Variants in TRA2A observed in about 807,000 individuals in gnomAD.
TRA2A encodes transformer 2 alpha homolog.
TRA2A carries 31 observed loss-of-function variants against 45.7 expected under a neutral mutation model. The observed-to-expected ratio is 0.68, with a 90% CI of 0.51 to 0.92. The LOEUF (loss-of-function observed/expected upper bound fraction) is 0.92. TRA2A is among the 40% of genes least tolerant of loss of function. TRA2A has a pLI of 0.00. For synonymous variants in TRA2A, 132 were observed against 126.2 expected (o/e 1.05, Z -0.31); for missense variants, 304 against 367.5 (o/e 0.83, Z 1.41).
At chr7:23,508,942 GTCTCTTTGA>G (rs1438113999) in intron 4 of TRA2A, among the ~76,000 whole-genome samples, 10 of 152,010 alleles carry the variant, frequency 6.6e-5, no homozygotes, top group Non-Finnish European at 1.0e-4. Flanking sequence ...TGTCTCTTTG[GTCTCTTTGA>G]AAAGAACTCT....
chr7:23,522,042 C>G (rs1479640168), intron 1 of TRA2A: 4 of 1,395,128 alleles, frequency 2.9e-6, no homozygotes, highest in Non-Finnish European at 3.7e-6. Flanking sequence ...TGAACCAGAT[C>G]ACCAATTCTC....
At chr7:23,528,763 G>A (rs1231669768) in intron 1 of TRA2A, among the ~76,000 whole-genome samples, 3 of 151,762 alleles carry the variant, frequency 2.0e-5, no homozygotes, top group African/African-American at 7.3e-5. Flanking sequence ...TGCCTCCCGG[G>A]TTTAAGCAAT....
chr7:23,521,846 AAAG>A lies in TRA2A; in HGVS notation c.37-9_37-7del. The A allele has an allele frequency of 6.2e-7, 1 of 1,614,172 alleles. No homozygotes were observed. The highest frequency in any genetic ancestry group is 8.5e-7 in the Non-Finnish European group (1 of 1,180,032). ...TTTGACTGAGAGCGAGACTCCTAAC[AAAG>A]AAGACAGTATTACAAATGGCACTGG... On this transcript the variant is annotated splice_polypyrimidine_tract_variant and splice_region_variant and intron_variant, in intron 1 of 7. Transcript: ENST00000297071.
chr7:23,510,658 G>A (rs1477750281), intron 4 of TRA2A, among the ~76,000 whole-genome samples: 1 of 152,090 alleles, frequency 6.6e-6, no homozygotes, highest in East Asian at 1.9e-4. Flanking sequence ...AGAAGTGGAA[G>A]GGGACAGGTG....
chr7:23,521,253 C>A (rs1738759444), intron 2 of TRA2A, among the ~76,000 whole-genome samples: 1 of 152,214 alleles, frequency 6.6e-6, no homozygotes, highest in Non-Finnish European at 1.5e-5. Flanking sequence ...CATCAACTTT[C>A]TCTGCATTAA....
At chr7:23,522,188 C>T (rs1300360979) in intron 1 of TRA2A, 2 of 1,139,714 alleles carry the variant, frequency 1.8e-6, no homozygotes, top group African/African-American at 1.6e-5. Context: ...TTGCTTTCTA[C>T]TTCTCTTCAT....
Position 23,506,119 on chromosome 7 carries a change from G to T in TRA2A, c.770+19C>A. ...ACTATCATCTAATTTAGAACAGAAA[G>T]CTCAAGTTAAAACATTACCTGTATC... is the stretch of plus-strand genomic sequence containing the variant. On this transcript the variant is annotated intron_variant, in intron 6 of 7. Transcript: ENST00000297071. The T allele has an allele frequency of 6.3e-7, 1 of 1,587,498 alleles. No individual in the cohort carries two copies. Among genetic ancestry groups the T allele is most frequent in the Non-Finnish European group, 8.6e-7 (1 of 1,161,116 alleles).
chr7:23,515,145 C>T (rs1037270940), intron 3 of TRA2A, among the ~76,000 whole-genome samples: 4 of 152,004 alleles, frequency 2.6e-5, no homozygotes, highest in African/African-American at 9.7e-5. Flanking sequence ...ACCCCCTTAC[C>T]CCATCAAAAA....
At chr7:23,515,495 G>A (rs1789824002) in intron 3 of TRA2A, among the ~76,000 whole-genome samples, 1 of 151,762 alleles carries the variant, frequency 6.6e-6, no homozygotes, top group South Asian at 2.1e-4. Context: ...GGGATTACAA[G>A]TGTGAGCCAC....
At position 23,505,517 on chromosome 7, in the gene TRA2A, AAAAG is replaced by A; in HGVS notation, c.*38_*41del. The A allele has an allele frequency of 5.6e-6, 3 of 532,466 alleles. No homozygotes were observed. Among genetic ancestry groups the A allele is most frequent in the Admixed American group, 3.7e-5 (1 of 27,326 alleles). The allele number at this position is 532,466 out of a possible 1,614,324, so 33.0% of individuals were successfully genotyped here. A position where few individuals can be genotyped will look rare whatever the true frequency, so the allele number is the denominator to read the frequency against. On this transcript the variant is annotated 3_prime_UTR_variant, in exon 8 of 8. Coordinates refer to ENST00000297071, the MANE Select transcript of TRA2A (RefSeq NM_013293.5). ...CTCAGAATTAAAAAAAAAAAAAAAA[AAAAG>A]AGGAAAAAAAATGTCCTTAATTGCA...
chr7:23,518,213 C>G (rs1789974327), intron 2 of TRA2A, among the ~76,000 whole-genome samples: 1 of 151,992 alleles, frequency 6.6e-6, no homozygotes, highest in Admixed American at 6.6e-5. Flanking sequence ...AGCCAGTGTG[C>G]CTGGCCCATA....
chr7:23,531,383 G>A (rs1268493916), intron 1 of TRA2A: 1 of 394,388 alleles, frequency 2.5e-6, no homozygotes, highest in Non-Finnish European at 3.6e-6. Flanking sequence ...CGATGCTCGG[G>A]GTCGCCAGAA....
intron 1 of TRA2A, among the ~76,000 whole-genome samples, chr7:23,525,968 G>A (rs1419089008): frequency 1.3e-5 from 2 of 152,118 alleles, no homozygotes; most frequent in African/African-American, 2.4e-5. Context: ...AAAATTAAAA[G>A]GAGGGAACTA....
At chr7:23,519,993 C>T (rs1188761535) in intron 2 of TRA2A, among the ~76,000 whole-genome samples, 6 of 152,142 alleles carry the variant, frequency 3.9e-5, no homozygotes, top group Non-Finnish European at 8.8e-5. Context: ...TTTGGGAGGC[C>T]GAGGTGGGCG....
At chr7:23,521,010 T>A (rs926941949) in intron 2 of TRA2A, among the ~76,000 whole-genome samples, 1 of 152,182 alleles carries the variant, frequency 6.6e-6, no homozygotes, top group Non-Finnish European at 1.5e-5. Flanking sequence ...AAACTTTTTA[T>A]CCCACCTCAG....
rs181346059 is a variant in TRA2A at position 23,531,758 on chromosome 7, G to A, written c.36+31C>T. 94 of 1,612,120 alleles carry A rather than the reference G, an allele frequency of 5.8e-5. No homozygotes were observed. In the African/African-American group the frequency reaches 7.2e-4, roughly 12 times the overall value. On this transcript the variant is annotated intron_variant, in intron 1 of 7. Coordinates refer to ENST00000297071, the MANE Select transcript of TRA2A (RefSeq NM_013293.5). The stretch of plus-strand genomic sequence containing the variant: ...GTGAAACCCCGAGCATTGGGCCGCC[G>A]CCTAGACGGCTCCCGCGGCTTTGTA...
chr7:23,512,780 A>AAAAAAAAG (rs1456971569), intron 4 of TRA2A, 114 bp downstream of exon 4: 1 of 982,142 alleles, frequency 1.0e-6, no homozygotes. Context: ...CTTTAAAAAA[A>AAAAAAAAG]AAAAAAAGAA....
Position 23,514,089 on chromosome 7 carries a change from C to T in TRA2A, c.337-1007G>A, listed in dbSNP as rs1476401663. ...TAGATTTTTTTTTTTTTTTTTGAGA[C>T]GGAGTTTCACTCTTGTTGCCCAGGC... On this transcript the variant is annotated intron_variant, in intron 3 of 7. Coordinates refer to ENST00000297071, the MANE Select transcript of TRA2A (RefSeq NM_013293.5). 4.5e-4 allele frequency among the ~76,000 whole-genome samples: 63 copies of T among 140,378 alleles called. 1 individual carries two copies. Among genetic ancestry groups the T allele is most frequent in the Admixed American group, 3.0e-3 (41 of 13,664 alleles). The allele number at this position is 140,378 out of a possible 152,430, so 92.1% of individuals were successfully genotyped here. A position where few individuals can be genotyped will look rare whatever the true frequency, so the allele number is the denominator to read the frequency against.
chr7:23,531,617 T>G (rs1044986766), intron 1 of TRA2A, 172 bp downstream of exon 1: 7 of 664,578 alleles, frequency 1.1e-5, no homozygotes, highest in African/African-American at 9.1e-5. Context: ...TCCGTGGTGT[T>G]TGGGGAAGGA....
Sources: allele counts gnomAD v4.1 joint callset (sites outside exome capture counted in the v4.1 genomes callset), GRCh38; gene constraint gnomAD v4.1.1; transcripts MANE v1.5; gene names NCBI Gene and HGNC (gene_info 2026-07-23, HGNC 2026-07-21).